Variants in DRICH1 observed in about 807,000 individuals in gnomAD.
The protein encoded by DRICH1 is aspartate-rich protein 1.
A neutral mutation model predicts 39.5 loss-of-function variants in DRICH1; 38 were observed. The ratio of observed to expected loss-of-function variants is 0.96; its 90% CI spans 0.74 to 1.26. The LOEUF (loss-of-function observed/expected upper bound fraction) is 1.26, where lower values mean the gene tolerates loss of function less well. Ranked by LOEUF, DRICH1 falls within the 50% of genes most tolerant of loss-of-function variation. DRICH1 has a pLI of 0.00. For missense variants in DRICH1, 279 were observed against 270.4 expected, an observed-to-expected ratio of 1.03 and a Z score of -0.22; for synonymous variants, 84 against 99.5, an observed-to-expected ratio of 0.84 and a Z score of 0.93.
chr22:23,620,603 G>A lies in DRICH1; in HGVS notation c.397C>T (p.Arg133Cys), dbSNP rs560661830. The A allele has an allele frequency of 5.7e-5, 92 of 1,613,810 alleles. No homozygotes were observed. The highest frequency in any genetic ancestry group is 1.6e-4 in the Middle Eastern group (1 of 6,084). ...DDDDAQILPSRVQGGCYRFDS... is the reference protein window; with the variant it reads ...DDDDAQILPSCVQGGCYRFDS... ...AGTTCAAGGTACATACCCTGGACACGTGACGGTAAAATCTGCAACGAGACA... is the reference window on the plus strand; with the variant it reads ...AGTTCAAGGTACATACCCTGGACACATGACGGTAAAATCTGCAACGAGACA... Residue 133 changes from arginine (R) to cysteine (C), a missense_variant, in exon 5 of 12, where the codon CGT becomes TGT. By Grantham distance (180) the Arg-to-Cys change is radical. Coordinates refer to ENST00000317749, the MANE Select transcript of DRICH1 (RefSeq NM_016449.4).
the DRICH1 span, among the ~76,000 whole-genome samples, chr22:23,588,864 G>A: frequency 6.6e-6 from 1 of 152,112 alleles, no homozygotes; most frequent in Non-Finnish European, 1.5e-5. Flanking sequence ...TAGCCAGGTG[G>A]ATACAGGGCA....
intron 1 of DRICH1, chr22:23,630,716 C>T (rs1928338345): frequency 6.6e-6 from 1 of 152,146 alleles, no homozygotes; most frequent in Non-Finnish European, 1.5e-5. Flanking sequence ...CACACAAACC[C>T]ACATCATCTA....
At chr22:23,583,292 G>A in the DRICH1 span, 1 of 152,182 alleles carries the variant, frequency 6.6e-6, no homozygotes, top group African/African-American at 2.4e-5. Context: ...CACGTTTGAA[G>A]CCACCCTTTG....
chr22:23,621,743 GTC>G (rs1569093358), intron 4 of DRICH1, among the ~76,000 whole-genome samples: 2 of 152,054 alleles, frequency 1.3e-5, no homozygotes, highest in African/African-American at 2.4e-5. Flanking sequence ...GTAAAACACC[GTC>G]TCTACTAAGA....
At chr22:23,621,720 C>A (rs1159895322) in intron 4 of DRICH1, among the ~76,000 whole-genome samples, 1 of 152,060 alleles carries the variant, frequency 6.6e-6, no homozygotes, top group Non-Finnish European at 1.5e-5. Context: ...TCGAGACCAG[C>A]CTGGCCAAAA....
At chr22:23,590,058 T>C in the DRICH1 span, among the ~76,000 whole-genome samples, 307 of 152,192 alleles carry the variant, frequency 2.0e-3, no homozygotes, top group Non-Finnish European at 3.3e-3. Context: ...CTTGTGGAAT[T>C]GGTCGAAGGT....
the DRICH1 span, among the ~76,000 whole-genome samples, chr22:23,592,879 C>CACAT: frequency 1.6e-5 from 2 of 127,230 alleles, no homozygotes; most frequent in Non-Finnish European, 3.4e-5. Context: ...CACACACACA[C>CACAT]AAAATTAGCT....
downstream of DRICH1, chr22:23,607,065 G>A (rs993127717): frequency 2.0e-5 from 3 of 152,888 alleles, no homozygotes; most frequent in East Asian, 3.9e-4. Context: ...CATCAGCAAG[G>A]GTCTGATCCG....
the DRICH1 span, chr22:23,583,706 G>A: frequency 6.6e-6 from 1 of 152,488 alleles, no homozygotes; most frequent in South Asian, 2.1e-4. Context: ...AAGAAACACT[G>A]ATGCAGGTAG....
At chr22:23,613,387 C>T (rs1250258490) in intron 10 of DRICH1, 57 bp from the exon 11 acceptor site, 49 of 1,412,902 alleles carry the variant, frequency 3.5e-5, no homozygotes, top group Non-Finnish European at 4.7e-5. Context: ...ACCCACTCCT[C>T]CTACTTTACT....
the DRICH1 span, among the ~76,000 whole-genome samples, chr22:23,598,349 G>T: frequency 1.3e-5 from 2 of 149,182 alleles, no homozygotes; most frequent in African/African-American, 4.9e-5. Flanking sequence ...GCTGGGGGTA[G>T]GTGAGGGTCC....
chr22:23,632,075 A>C lies in DRICH1; in HGVS notation c.-52T>G, dbSNP rs767050964. On this transcript the variant is annotated 5_prime_UTR_variant, in exon 1 of 12. Transcript: ENST00000317749. The stretch of plus-strand genomic sequence containing the variant: ...TGCCTCAGCCTTCAGCGAAATTGTA[A>C]CTGTGCTGCCCTAGCAGCCACACTA... The C allele has an allele frequency of 4.8e-5, 78 of 1,608,400 alleles. No homozygotes were observed. The highest frequency in any genetic ancestry group is 6.5e-5 in the Non-Finnish European group (76 of 1,177,922).
rs1362069189 is a variant in DRICH1, at chr22:23,619,393, C to T, written c.407G>A (p.Gly136Asp). Residue 136 changes from glycine to aspartate, a missense_variant and splice_region_variant, in exon 6 of 12, where the codon GGT (glycine) becomes GAT (aspartate). Physicochemically the swap from Gly to Asp is moderately conservative, Grantham distance 94. Coordinates refer to ENST00000317749, the MANE Select transcript of DRICH1 (RefSeq NM_016449.4). ...ACTGCTATCAAACCGGTAACAGCCACCTGCGGAGAAATGGAAAAGTTAATC... is the reference window on the plus strand; with the variant it reads ...ACTGCTATCAAACCGGTAACAGCCATCTGCGGAGAAATGGAAAAGTTAATC... ...DAQILPSRVQ[G>D]GCYRFDSSSC... 1.3e-6 allele frequency: 1 copy of T among 780,578 alleles called. No individual in the cohort carries two copies. The highest frequency in any genetic ancestry group is 1.3e-5 in the South Asian group (1 of 74,592). 48.4% of individuals were successfully genotyped at this position (780,578 alleles called of 1,614,324 possible).
the DRICH1 span, among the ~76,000 whole-genome samples, chr22:23,598,406 A>C: frequency 0.17 from 25,002 of 143,040 alleles, 1,987 homozygotes; most frequent in African/African-American, 0.25. Flanking sequence ...TCCCCAAAAC[A>C]AACCTGTGGG....
At position 23,624,961 on chromosome 22, in the gene DRICH1, T is replaced by C. The variant is rs904623246; in HGVS notation, c.277-57A>G. On this transcript the variant is annotated intron_variant, in intron 2 of 11. Coordinates refer to ENST00000317749, the MANE Select transcript of DRICH1 (RefSeq NM_016449.4). ...ATCAGATCAATTCTGCTGCACCCCC[T>C]ACACAGATCAGTTATTCTCTTGATG... The C allele has an allele frequency of 1.3e-5, 20 of 1,565,504 alleles. No homozygotes were observed. The East Asian group carries it at 3.8e-4, about 30-fold the overall frequency.
chr22:23,581,750 G>T, the DRICH1 span, among the ~76,000 whole-genome samples: 1 of 151,622 alleles, frequency 6.6e-6, no homozygotes, highest in African/African-American at 2.4e-5. Flanking sequence ...GGGATTACAG[G>T]CATGCACCAC....
chr22:23,585,435 C>G, the DRICH1 span, among the ~76,000 whole-genome samples: 1 of 152,328 alleles, frequency 6.6e-6, no homozygotes, highest in East Asian at 1.9e-4. Context: ...CCATGCCCGC[C>G]TAGCAGCGTA....
Position 23,619,358 on chromosome 22 carries a change from A to G in DRICH1, c.436+6T>C. 1 of 780,764 alleles carries G rather than the reference A, an allele frequency of 1.3e-6. No individual in the cohort carries two copies. The highest frequency in any genetic ancestry group is 2.4e-6 in the Non-Finnish European group (1 of 417,954). The allele number at this position is 780,764 out of a possible 1,614,324, so 48.4% of individuals were successfully genotyped here. On this transcript the variant is annotated splice_donor_region_variant and intron_variant, in intron 6 of 11. Transcript: ENST00000317749. ...ACAATACTACACACATGATCTACAG[A>G]CTCACAAGAACTGCTATCAAACCGG...
intron 1 of DRICH1, among the ~76,000 whole-genome samples, chr22:23,628,718 G>C (rs1928219458): frequency 6.6e-6 from 1 of 152,200 alleles, no homozygotes; most frequent in Admixed American, 6.5e-5. Context: ...CCTGGGACCT[G>C]TCTGTGTCTG....
Sources: allele counts gnomAD v4.1 joint callset (sites outside exome capture counted in the v4.1 genomes callset), GRCh38; gene constraint gnomAD v4.1.1; transcripts MANE v1.5; gene names NCBI Gene and HGNC (gene_info 2026-07-23, HGNC 2026-07-21).